Variants in MTUS2 observed in about 807,000 individuals in gnomAD.
MTUS2 encodes the protein microtubule-associated tumor suppressor candidate 2.
In MTUS2, 40 loss-of-function variants were observed where a neutral mutation model predicts 114.1. That is an observed-to-expected ratio of 0.35 (90% CI 0.27 to 0.46). The LOEUF (loss-of-function observed/expected upper bound fraction) is 0.46, where lower values mean the gene tolerates loss of function less well. Among genes scored for constraint, MTUS2 ranks in the 20% least tolerant of loss-of-function variants. The pLI is 1.00. For synonymous variants in MTUS2, 688 were observed against 672.0 expected (o/e 1.02, Z -0.37); for missense variants, 1,679 against 1,705.4 (o/e 0.98, Z 0.27).
intron 7 of MTUS2, among the ~76,000 whole-genome samples, chr13:29,335,306 A>G (rs967945952): frequency 2.0e-5 from 3 of 152,154 alleles, no homozygotes; most frequent in Non-Finnish European, 2.9e-5. Flanking sequence ...GGACGAGGAA[A>G]TTCCTGCCTA....
At chr13:29,173,736 AG>A (rs1182176665) in intron 5 of MTUS2, among the ~76,000 whole-genome samples, 2 of 152,138 alleles carry the variant, frequency 1.3e-5, no homozygotes, top group Admixed American at 6.6e-5. Context: ...CTACAGTCAA[AG>A]AAATTATATT....
At chr13:29,038,936 C>T (rs935551823) in intron 4 of MTUS2, among the ~76,000 whole-genome samples, 5 of 152,232 alleles carry the variant, frequency 3.3e-5, no homozygotes, top group African/African-American at 9.6e-5. Context: ...GCCGGGCCTT[C>T]CAAAGCCACC....
At chr13:28,969,528 A>T (rs1883756974) in intron 2 of MTUS2, among the ~76,000 whole-genome samples, 1 of 151,848 alleles carries the variant, frequency 6.6e-6, no homozygotes, top group Non-Finnish European at 1.5e-5. Flanking sequence ...TTTGAGACAG[A>T]GTCTCACTCT....
At chr13:28,888,708 C>T (rs566691665) in intron 2 of MTUS2, among the ~76,000 whole-genome samples, 1 of 152,240 alleles carries the variant, frequency 6.6e-6, no homozygotes, top group African/African-American at 2.4e-5. Flanking sequence ...AGGCATGAGA[C>T]ACCGCGCTCG....
Position 29,423,260 on chromosome 13 carries a change from A to T in MTUS2, c.3118-16723A>T, listed in dbSNP as rs553789508. Among the ~76,000 whole-genome samples the T allele has an allele frequency of 3.9e-5, 6 of 152,344 alleles. No individual in the cohort carries two copies. In the East Asian group the frequency reaches 1.2e-3, roughly 29 times the overall value. ...GATTTCTTCAAAGGACATTTTGTCTATGGGAAGGCTCACTTCCTTCAAAAG... is the reference window on the plus strand; with the variant it reads ...GATTTCTTCAAAGGACATTTTGTCTTTGGGAAGGCTCACTTCCTTCAAAAG... On this transcript the variant is annotated intron_variant, in intron 8 of 15. Coordinates refer to ENST00000612955, the MANE Select transcript of MTUS2 (RefSeq NM_001033602.4).
At chr13:29,111,104 C>T (rs1238776998) in intron 5 of MTUS2, among the ~76,000 whole-genome samples, 1 of 152,110 alleles carries the variant, frequency 6.6e-6, no homozygotes, top group East Asian at 1.9e-4. Context: ...AAAATGGAAC[C>T]ACTTATGGTC....
At chr13:28,860,176 G>A (rs999500250) in intron 2 of MTUS2, among the ~76,000 whole-genome samples, 7 of 152,112 alleles carry the variant, frequency 4.6e-5, no homozygotes, top group African/African-American at 1.7e-4. Flanking sequence ...ATTGAGGGTC[G>A]TCCTCCCTTA....
chr13:29,331,397 C>T (rs1900771894), intron 7 of MTUS2, among the ~76,000 whole-genome samples: 1 of 152,168 alleles, frequency 6.6e-6, no homozygotes, highest in Admixed American at 6.6e-5. Flanking sequence ...GTTTGACTCC[C>T]TCTCTTCCTG....
intron 4 of MTUS2, among the ~76,000 whole-genome samples, chr13:29,080,204 ATATT>A (rs1259036907): frequency 3.3e-5 from 5 of 152,134 alleles, no homozygotes; most frequent in Admixed American, 3.3e-4. Flanking sequence ...TATTAGGAAA[ATATT>A]TAGGTAATTT....
chr13:29,500,303 C>T (rs898797083), intron 14 of MTUS2, among the ~76,000 whole-genome samples: 1 of 152,188 alleles, frequency 6.6e-6, no homozygotes, highest in Admixed American at 6.5e-5. Flanking sequence ...ATTCCTAAGT[C>T]CTGTTCATGG....
In MTUS2 at chr13:29,025,847, A is replaced by T; in HGVS notation, c.1149A>T (p.Gly383=). 1.2e-6 allele frequency: 2 copies of T among 1,613,560 alleles called. No individual in the cohort carries two copies. The highest frequency in any genetic ancestry group is 1.7e-6 in the Non-Finnish European group (2 of 1,179,696). ...VGRGNCEEKR[G]VNPGEQDSLH... ...GAGGCAACTGTGAAGAGAAGAGAGGAGTCAACCCAGGGGAGCAGGATTCTC... is the reference window on the plus strand; with the variant it reads ...GAGGCAACTGTGAAGAGAAGAGAGGTGTCAACCCAGGGGAGCAGGATTCTC... Residue 383 remains glycine, a synonymous_variant, in exon 3 of 16, where the codon GGA becomes GGT. Coordinates refer to ENST00000612955, the MANE Select transcript of MTUS2 (RefSeq NM_001033602.4).
At chr13:29,027,913 A>G (rs965339268) in intron 3 of MTUS2, among the ~76,000 whole-genome samples, 1 of 152,180 alleles carries the variant, frequency 6.6e-6, no homozygotes, top group African/African-American at 2.4e-5. Context: ...CAAAGGAAGG[A>G]GAGCTCTGAG....
intron 4 of MTUS2, among the ~76,000 whole-genome samples, chr13:29,041,803 G>A (rs910651827): frequency 6.6e-6 from 1 of 152,138 alleles, no homozygotes; most frequent in Admixed American, 6.5e-5. Context: ...ACTGATCTGT[G>A]TATATTGATT....
At position 29,026,603 on chromosome 13, in the gene MTUS2, C is replaced by T. The variant is rs1886565267; in HGVS notation, c.1905C>T (p.Pro635=). ...ERTETKPIIM[P]KPKHVRPKII... ...CAGAAACTAAGCCCATCATTATGCC[C>T]AAGCCCAAGCATGTGAGGCCCAAGA... The change falls in exon 3 of 16, where the codon CCC becomes CCT. Residue 635 remains proline, a synonymous_variant. Coordinates refer to ENST00000612955, the MANE Select transcript of MTUS2 (RefSeq NM_001033602.4). The T allele has an allele frequency of 6.2e-7, 1 of 1,613,958 alleles. No individual in the cohort carries two copies. The highest frequency in any genetic ancestry group is 8.5e-7 in the Non-Finnish European group (1 of 1,179,886).
In MTUS2 at chr13:29,294,793, T is replaced by C. The variant is rs540366737; in HGVS notation, c.2806+12928T>C. Among the ~76,000 whole-genome samples the C allele has an allele frequency of 2.0e-5, 3 of 152,370 alleles. No individual in the cohort carries two copies. In the East Asian group the frequency reaches 5.8e-4, roughly 29 times the overall value. Reference sequence around the variant, plus strand: ...GCCTGATTGTCCAGGGTTTTTGTTATGGATCAGTCACACATACACACAGCA... The same window carrying C: ...GCCTGATTGTCCAGGGTTTTTGTTACGGATCAGTCACACATACACACAGCA... On this transcript the variant is annotated intron_variant, in intron 6 of 15. Coordinates refer to ENST00000612955, the MANE Select transcript of MTUS2 (RefSeq NM_001033602.4).
At chr13:29,272,517 G>A (rs1459808983) in intron 5 of MTUS2, among the ~76,000 whole-genome samples, 3 of 152,154 alleles carry the variant, frequency 2.0e-5, no homozygotes, top group Non-Finnish European at 4.4e-5. Context: ...AGTTTAGGCT[G>A]AGTTATTGGT....
chr13:29,103,423 A>G (rs1890509948), intron 5 of MTUS2, among the ~76,000 whole-genome samples: 2 of 152,232 alleles, frequency 1.3e-5, no homozygotes, highest in African/African-American at 2.4e-5. Flanking sequence ...GCGTATTGGT[A>G]TATGTAACAA....
chr13:28,850,889 G>A (rs984761074), intron 2 of MTUS2, among the ~76,000 whole-genome samples: 1 of 152,076 alleles, frequency 6.6e-6, no homozygotes, highest in African/African-American at 2.4e-5. Flanking sequence ...CTTGATTTTT[G>A]CATTCAGAAT....
At chr13:29,193,437 T>C (rs1361176905) in intron 5 of MTUS2, among the ~76,000 whole-genome samples, 1 of 152,078 alleles carries the variant, frequency 6.6e-6, no homozygotes, top group African/African-American at 2.4e-5. Context: ...ATCACAGGCA[T>C]TCTTATACAC....
Sources: gnomAD v4.1 joint callset for allele counts (sites outside exome capture counted in the v4.1 genomes callset) on GRCh38, gnomAD v4.1.1 for gene constraint, MANE v1.5 for transcripts, NCBI Gene and HGNC (gene_info 2026-07-23, HGNC 2026-07-21) for gene names.